The following EPB41 variants were observed in gnomAD, a reference collection of about 807,000 sequenced individuals.
EPB41 encodes the protein erythrocyte membrane protein band 4.1, also known as protein 4.1.
A neutral mutation model predicts 108.0 loss-of-function variants in EPB41; 65 were observed. The observed-to-expected ratio is 0.60, with a 90% confidence interval of 0.49 to 0.74. The LOEUF (loss-of-function observed/expected upper bound fraction) is 0.74, where lower values mean the gene tolerates loss of function less well. Among genes scored for constraint, EPB41 ranks in the 30% least tolerant of loss-of-function variants. The pLI is 0.00. For missense variants in EPB41, 875 were observed against 1,037.0 expected (o/e 0.84, Z 2.15); for synonymous variants, 336 against 358.9 (o/e 0.94, Z 0.72).
intron 16 of EPB41, among the ~76,000 whole-genome samples, chr1:29,094,439 G>A (rs538753081): frequency 1.3e-5 from 2 of 152,196 alleles, no homozygotes; most frequent in South Asian, 2.1e-4. Context: ...ACCATGCCCA[G>A]CTAATTTTTG....
intron 11 of EPB41, among the ~76,000 whole-genome samples, chr1:29,051,505 TA>T (rs1262048125): frequency 3.3e-5 from 5 of 152,220 alleles, no homozygotes; most frequent in African/African-American, 1.2e-4. Flanking sequence ...TTTACAAATC[TA>T]AAAATTTCAG....
At chr1:28,931,026 C>T (rs1329190841) in intron 1 of EPB41, among the ~76,000 whole-genome samples, 1 of 151,720 alleles carries the variant, frequency 6.6e-6, no homozygotes, top group African/African-American at 2.4e-5. Flanking sequence ...GGAAAAAATA[C>T]AAAATTATGA....
In EPB41 at chr1:29,065,233, T is replaced by TGA. The variant is rs1334767445; in HGVS notation, c.2184+80_2184+81dup. 3 of 1,461,708 alleles carry TGA rather than the reference T, an allele frequency of 2.1e-6. No homozygotes were observed. In the African/African-American group the frequency reaches 4.3e-5, roughly 21 times the overall value. 90.5% of individuals were successfully genotyped at this position (1,461,708 alleles called of 1,614,324 possible). A position where few individuals can be genotyped will look rare whatever the true frequency, so the allele number is the denominator to read the frequency against. On this transcript the variant is annotated intron_variant, in intron 16 of 20. Coordinates refer to ENST00000343067, the MANE Select transcript of EPB41 (RefSeq NM_001376013.1). ...TTTTTATGTATTAATATTCTGTATC[T>TGA]GAGAGAAAGCTTAGAGCTGAAATTT...
chr1:29,081,504 G>A (rs1330419015), intron 16 of EPB41, among the ~76,000 whole-genome samples: 1 of 152,092 alleles, frequency 6.6e-6, no homozygotes, highest in Non-Finnish European at 1.5e-5. Context: ...AACTCTCACA[G>A]CTCTAGATTT....
chr1:29,069,153 T>C, intron 16 of EPB41: 1 of 1,231,682 alleles, frequency 8.1e-7, no homozygotes, highest in Non-Finnish European at 1.0e-6. Context: ...TTTTTTTCTT[T>C]TTTGCTGACC....
intron 1 of EPB41, among the ~76,000 whole-genome samples, chr1:28,931,087 A>G (rs1354372556): frequency 6.6e-6 from 1 of 152,130 alleles, no homozygotes; most frequent in Non-Finnish European, 1.5e-5. Context: ...AGAAAACCAC[A>G]AGTTACATAT....
In EPB41 at chr1:28,998,033, A is replaced by G. The variant is rs566505185; in HGVS notation, c.786+714A>G. Among the ~76,000 whole-genome samples the G allele has an allele frequency of 6.6e-5, 10 of 152,328 alleles. No homozygotes were observed. In the South Asian group the frequency reaches 1.9e-3, roughly 28 times the overall value. On this transcript the variant is annotated intron_variant, in intron 4 of 20. Transcript: ENST00000343067. ...GTATTTGCAGGTGCTGTACTAGATGATATGGATGCAGCTGTGAATAAGGTA... is the reference window on the plus strand; with the variant it reads ...GTATTTGCAGGTGCTGTACTAGATGGTATGGATGCAGCTGTGAATAAGGTA...
intron 10 of EPB41, among the ~76,000 whole-genome samples, chr1:29,037,287 G>T (rs1479995390): frequency 2.0e-5 from 3 of 150,770 alleles, no homozygotes; most frequent in Non-Finnish European, 3.0e-5. Context: ...TCACTACGTT[G>T]ACCAGGCTGG....
At chr1:29,000,338 G>T (rs567527526) in intron 4 of EPB41, among the ~76,000 whole-genome samples, 2 of 152,132 alleles carry the variant, frequency 1.3e-5, no homozygotes, top group Non-Finnish European at 1.5e-5. Context: ...GACCTCAGGC[G>T]ATTCACCCGC....
At chr1:29,098,083 C>A in intron 17 of EPB41, 148 bp downstream of exon 17, 1 of 1,211,412 alleles carries the variant, frequency 8.3e-7, no homozygotes, top group African/African-American at 1.5e-5. Context: ...TAAGAAGGTC[C>A]CAGACTACTT....
intron 1 of EPB41, among the ~76,000 whole-genome samples, 183 bp downstream of exon 1, chr1:28,914,951 C>T (rs1352720897): frequency 1.3e-5 from 2 of 151,580 alleles, no homozygotes; most frequent in Non-Finnish European, 2.9e-5. Context: ...AGTCGCCAGC[C>T]GGGACGCGGC....
chr1:28,969,084 CTTT>C (rs35558417), intron 1 of EPB41, among the ~76,000 whole-genome samples: 5 of 134,626 alleles, frequency 3.7e-5, no homozygotes, highest in Non-Finnish European at 4.8e-5. Context: ...TCATGCCGTA[CTTT>C]TTTTTTTTTT....
At chr1:29,071,428 C>G (rs1651364207) in intron 16 of EPB41, 1 of 152,118 alleles carries the variant, frequency 6.6e-6, no homozygotes, top group Non-Finnish European at 1.5e-5. Flanking sequence ...GTACATAAAC[C>G]CTTCTCTGAA....
intron 7 of EPB41, among the ~76,000 whole-genome samples, chr1:29,026,721 C>T (rs969446926): frequency 1.3e-5 from 2 of 152,038 alleles, no homozygotes; most frequent in African/African-American, 4.8e-5. Context: ...CCCAAGAGTT[C>T]ACTTGAACCT....
chr1:29,020,407 TAAAA>T (rs2096629670), intron 7 of EPB41, among the ~76,000 whole-genome samples: 1 of 152,022 alleles, frequency 6.6e-6, no homozygotes. Context: ...TAGGGACATA[TAAAA>T]ATATATGCAT....
At chr1:28,990,803 A>G (rs1469121931) in intron 2 of EPB41, among the ~76,000 whole-genome samples, 3 of 152,128 alleles carry the variant, frequency 2.0e-5, no homozygotes, top group Non-Finnish European at 4.4e-5. Flanking sequence ...TTGAATCAGA[A>G]CTTGTCTGCA....
intron 19 of EPB41, 121 bp downstream of exon 19, chr1:29,112,569 T>C (rs974491916): frequency 2.5e-5 from 20 of 790,826 alleles, no homozygotes; most frequent in Non-Finnish European, 4.0e-5. Context: ...TAGCTCTTAA[T>C]TGAGAAGAAA....
chr1:29,019,490 T>G (rs2096616338), intron 7 of EPB41, among the ~76,000 whole-genome samples: 1 of 152,220 alleles, frequency 6.6e-6, no homozygotes, highest in Non-Finnish European at 1.5e-5. Flanking sequence ...ATACATTCAT[T>G]GTTACTTGAG....
At chr1:29,014,183 G>C (rs1482294891) in intron 5 of EPB41, among the ~76,000 whole-genome samples, 1 of 151,978 alleles carries the variant, frequency 6.6e-6, no homozygotes. Flanking sequence ...TGGGCATGGT[G>C]GCAGGCACCT....
Sources: allele counts gnomAD v4.1 joint callset (sites outside exome capture counted in the v4.1 genomes callset), GRCh38; gene constraint gnomAD v4.1.1; transcripts MANE v1.5; gene names NCBI Gene and HGNC (gene_info 2026-07-23, HGNC 2026-07-21).